LINGO2: variants seen among roughly 807,000 people sequenced by gnomAD.
LINGO2 encodes the protein leucine-rich repeat and immunoglobulin-like domain-containing nogo receptor-interacting protein 2.
LINGO2 carries 14 observed loss-of-function variants against 30.6 expected under a neutral mutation model. The ratio of observed to expected loss-of-function variants is 0.46; its 90% CI spans 0.30 to 0.72. The LOEUF (loss-of-function observed/expected upper bound fraction) is 0.72. LINGO2 is among the 30% of genes least tolerant of loss of function. LINGO2 has a pLI of 0.07. For missense variants in LINGO2, 729 were observed against 751.7 expected (o/e 0.97, Z 0.35); for synonymous variants, 317 against 288.5 (o/e 1.10, Z -1.00).
chr9:28,679,895 A>C, the LINGO2 span, among the ~76,000 whole-genome samples: 2 of 151,996 alleles, frequency 1.3e-5, no homozygotes, highest in South Asian at 4.1e-4. Flanking sequence ...CTAATGTATA[A>C]TAGTATAATT....
At chr9:28,117,429 T>C (rs1252209198) in intron 4 of LINGO2, among the ~76,000 whole-genome samples, 226 of 111,532 alleles carry the variant, frequency 2.0e-3, no homozygotes, top group Middle Eastern at 4.2e-3. Context: ...TGAGCTGTGG[T>C]GGGCTCCACC....
At chr9:27,947,625 A>G (rs1025039824), downstream of LINGO2, among the ~76,000 whole-genome samples, 1 of 152,240 alleles carries the variant, frequency 6.6e-6, no homozygotes, top group Non-Finnish European at 1.5e-5. Context: ...TGTGTACAGT[A>G]TTCAAGTAGA....
At chr9:28,486,860 C>G (rs10217132) in intron 1 of LINGO2, among the ~76,000 whole-genome samples, 97,602 of 151,760 alleles carry the variant, frequency 0.64, 32,148 homozygotes, top group South Asian at 0.75. Flanking sequence ...ATAGGACATA[C>G]AGCCAGACTC....
chr9:28,542,974 AAAC>A (rs1735339401), intron 1 of LINGO2, among the ~76,000 whole-genome samples: 1 of 152,024 alleles, frequency 6.6e-6, no homozygotes, highest in South Asian at 2.1e-4. Context: ...AGGGCACAGA[AAAC>A]AACAAGGAAA....
chr9:28,663,745 T>C (rs1190091521), intron 1 of LINGO2, among the ~76,000 whole-genome samples: 2 of 152,164 alleles, frequency 1.3e-5, no homozygotes, highest in East Asian at 1.9e-4. Flanking sequence ...AGGTTATTTT[T>C]AATTGTAGCT....
rs552806830 is a variant in LINGO2 at position 28,628,297 on chromosome 9, G to A, written c.-365+41903C>T. On this transcript the variant is annotated intron_variant, in intron 1 of 5. Transcript: ENST00000379992. ...GCATATAATATATCTTTGAAGACAG[G>A]GTTAAGATTATCACCATGTTCTTCT... Among the ~76,000 whole-genome samples, 5 of 152,076 alleles carry A rather than the reference G, an allele frequency of 3.3e-5. No individual in the cohort carries two copies. In the South Asian group the frequency reaches 6.2e-4, roughly 19 times the overall value.
the LINGO2 span, among the ~76,000 whole-genome samples, chr9:29,050,474 T>C: frequency 2.0e-5 from 3 of 152,228 alleles, no homozygotes; most frequent in East Asian, 1.9e-4. Flanking sequence ...GTTGATTTTA[T>C]GTGAAGTGAA....
the LINGO2 span, among the ~76,000 whole-genome samples, chr9:28,690,862 G>A: frequency 6.6e-6 from 1 of 152,116 alleles, no homozygotes; most frequent in African/African-American, 2.4e-5. Context: ...CATATGTACA[G>A]AGACTTACAC....
At chr9:27,972,347 G>A (rs527880617) in intron 5 of LINGO2, among the ~76,000 whole-genome samples, 7 of 149,744 alleles carry the variant, frequency 4.7e-5, no homozygotes, top group Non-Finnish European at 8.8e-5. Context: ...GAGGAGAATA[G>A]CAACATTTTG....
chr9:28,010,679 T>C lies in LINGO2; in HGVS notation c.-36+1676A>G, dbSNP rs183036375. ...TAAAATCAATCAAGGCTGGACACAG[T>C]GGCTGGCTTACGCCTATAATCTCAG... On this transcript the variant is annotated intron_variant, in intron 5 of 5. Transcript: ENST00000379992. Among the ~76,000 whole-genome samples the C allele has an allele frequency of 3.7e-3, 564 of 152,298 alleles. 6 individuals carry two copies. Among genetic ancestry groups the C allele is most frequent in the African/African-American group, 0.013 (533 of 41,562 alleles).
intron 1 of LINGO2, among the ~76,000 whole-genome samples, chr9:28,662,654 A>G (rs890232155): frequency 9.2e-5 from 14 of 152,132 alleles, no homozygotes; most frequent in African/African-American, 3.1e-4. Flanking sequence ...TTAGCCCTCA[A>G]TTTCTTCATT....
chr9:28,192,994 C>T (rs1819875168), intron 4 of LINGO2, among the ~76,000 whole-genome samples: 1 of 152,100 alleles, frequency 6.6e-6, no homozygotes, highest in Non-Finnish European at 1.5e-5. Flanking sequence ...GAAGGCCTAA[C>T]TTGTATGTCA....
the LINGO2 span, among the ~76,000 whole-genome samples, chr9:28,680,733 A>C: frequency 1.3e-5 from 2 of 151,806 alleles, no homozygotes; most frequent in Non-Finnish European, 2.9e-5. Flanking sequence ...GATTGCGAGC[A>C]TTTTTTCTAT....
At chr9:29,036,648 T>C in the LINGO2 span, among the ~76,000 whole-genome samples, 1 of 152,148 alleles carries the variant, frequency 6.6e-6, no homozygotes, top group South Asian at 2.1e-4. Context: ...GCAATTAGCT[T>C]GGTCATGATT....
At chr9:28,225,911 T>C (rs1821128551) in intron 4 of LINGO2, among the ~76,000 whole-genome samples, 1 of 152,096 alleles carries the variant, frequency 6.6e-6, no homozygotes. Context: ...TTTGTAAGTG[T>C]TCACAATGGA....
chr9:28,301,680 C>T (rs1283890022), intron 3 of LINGO2, among the ~76,000 whole-genome samples: 1 of 152,146 alleles, frequency 6.6e-6, no homozygotes. Flanking sequence ...TTCAGATAGC[C>T]TATTTTGGGG....
intron 5 of LINGO2, among the ~76,000 whole-genome samples, chr9:28,007,936 G>C (rs778101818): frequency 6.6e-6 from 1 of 152,158 alleles, no homozygotes; most frequent in Non-Finnish European, 1.5e-5. Flanking sequence ...AGTTCAGCAG[G>C]TGAGTTCTTC....
At chr9:28,605,919 G>A (rs1158278803) in intron 1 of LINGO2, among the ~76,000 whole-genome samples, 1 of 152,070 alleles carries the variant, frequency 6.6e-6, no homozygotes, top group African/African-American at 2.4e-5. Flanking sequence ...GCCCTTTAGG[G>A]AAAATCTTTG....
At chr9:28,087,394 T>C (rs1825945559) in intron 4 of LINGO2, among the ~76,000 whole-genome samples, 1 of 152,100 alleles carries the variant, frequency 6.6e-6, no homozygotes, top group Non-Finnish European at 1.5e-5. Flanking sequence ...CAATATTTCA[T>C]TCTAATCATC....
Sources: allele counts gnomAD v4.1 joint callset (sites outside exome capture counted in the v4.1 genomes callset), GRCh38; gene constraint gnomAD v4.1.1; transcripts MANE v1.5; gene names NCBI Gene and HGNC (gene_info 2026-07-23, HGNC 2026-07-21).